EML6: variants seen among roughly 807,000 people sequenced by gnomAD.
The protein encoded by EML6 is echinoderm microtubule-associated protein-like 6.
In EML6, 154 loss-of-function variants were observed where a neutral mutation model predicts 240.1. That is an observed-to-expected ratio of 0.64 (90% CI 0.56 to 0.73). EML6 has a LOEUF of 0.73. EML6 is among the 30% of genes least tolerant of loss of function. The pLI is 0.00. For missense variants in EML6, 2,964 were observed against 2,474.6 expected, an observed-to-expected ratio of 1.20 and a Z score of -4.20; for synonymous variants, 1,148 against 899.0, an observed-to-expected ratio of 1.28 and a Z score of -4.95.
chr2:54,970,341 C>G lies in EML6; in HGVS notation c.*246C>G. Reference sequence around the variant, plus strand: ...AGACTGCTTGCCTCTGTTCCTGAGACTAAACAGTATACATACTAACTACAT... The same window carrying G: ...AGACTGCTTGCCTCTGTTCCTGAGAGTAAACAGTATACATACTAACTACAT... On this transcript the variant is annotated 3_prime_UTR_variant, in exon 42 of 42. Coordinates refer to ENST00000356458, the MANE Select transcript of EML6 (RefSeq NM_001039753.4). 1.8e-6 allele frequency: 1 copy of G among 568,320 alleles called. No homozygotes were observed. Among genetic ancestry groups the G allele is most frequent in the South Asian group, 2.1e-5 (1 of 48,392 alleles). 35.2% of individuals were successfully genotyped at this position (568,320 alleles called of 1,614,324 possible). A position where few individuals can be genotyped will look rare whatever the true frequency, so the allele number is the denominator to read the frequency against.
intron 28 of EML6, among the ~76,000 whole-genome samples, chr2:54,947,314 C>T (rs1675740352): frequency 6.6e-6 from 1 of 152,042 alleles, no homozygotes; most frequent in Non-Finnish European, 1.5e-5. Flanking sequence ...CCCCAGTCTC[C>T]CGATTTTGCT....
At chr2:54,936,778 T>C (rs954648406) in intron 28 of EML6, among the ~76,000 whole-genome samples, 4 of 152,216 alleles carry the variant, frequency 2.6e-5, no homozygotes, top group African/African-American at 4.8e-5. Flanking sequence ...ATTTTACTTA[T>C]AGCATTTTTC....
chr2:54,939,984 T>G (rs1675346242), intron 28 of EML6, among the ~76,000 whole-genome samples: 2 of 152,238 alleles, frequency 1.3e-5, no homozygotes, highest in South Asian at 4.1e-4. Flanking sequence ...TCTGTGAATA[T>G]TCTGCATTAA....
At chr2:54,837,710 C>T (rs2103623042) in intron 7 of EML6, among the ~76,000 whole-genome samples, 1 of 152,302 alleles carries the variant, frequency 6.6e-6, no homozygotes, top group Admixed American at 6.5e-5. Flanking sequence ...TGCAAGAACA[C>T]ACTAGGTGGA....
rs749843052 is a variant in EML6 at position 54,820,469 on chromosome 2, C to T, written c.525+7C>T. 3.9e-6 allele frequency: 6 copies of T among 1,528,136 alleles called. No individual in the cohort carries two copies. The South Asian group carries it at 6.1e-5, about 16-fold the overall frequency. The allele number at this position is 1,528,136 out of a possible 1,614,324, so 94.7% of individuals were successfully genotyped here. A position where few individuals can be genotyped will look rare whatever the true frequency, so the allele number is the denominator to read the frequency against. ...TGGAGTAAAACACATAAAGGTAAAG[C>T]TTTTTGTTTTTTAATTTTGGTACCT... On this transcript the variant is annotated splice_region_variant and intron_variant, in intron 5 of 41. Coordinates refer to ENST00000356458, the MANE Select transcript of EML6 (RefSeq NM_001039753.4).
intron 2 of EML6, among the ~76,000 whole-genome samples, chr2:54,775,813 C>T (rs933501436): frequency 6.6e-6 from 1 of 152,108 alleles, no homozygotes; most frequent in Admixed American, 6.5e-5. Context: ...ACAACTAAAA[C>T]CCATTCTAAC....
intron 5 of EML6, 81 bp from the exon 6 acceptor site, chr2:54,827,485 T>C: frequency 8.7e-7 from 1 of 1,154,784 alleles, no homozygotes; most frequent in Non-Finnish European, 1.2e-6. Context: ...TTATGTGAAA[T>C]GCACTGAAGT....
intron 17 of EML6, among the ~76,000 whole-genome samples, chr2:54,890,244 T>C (rs1343809957): frequency 6.6e-6 from 1 of 152,256 alleles, no homozygotes; most frequent in Non-Finnish European, 1.5e-5. Context: ...GTATTGTTTT[T>C]AATATGCTTT....
intron 2 of EML6, among the ~76,000 whole-genome samples, chr2:54,749,645 C>G (rs2103695608): frequency 6.6e-6 from 1 of 152,100 alleles, no homozygotes; most frequent in Non-Finnish European, 1.5e-5. Context: ...TTAATGCTCA[C>G]AAAAAATTTT....
intron 41 of EML6, 54 bp from the exon 42 acceptor site, chr2:54,970,017 G>C (rs1367123328): frequency 1.3e-6 from 2 of 1,546,246 alleles, no homozygotes; most frequent in Non-Finnish European, 1.8e-6. Context: ...TTTGCCACTT[G>C]ACACAAGTAT....
At chr2:54,910,279 C>G (rs898196900) in intron 24 of EML6, among the ~76,000 whole-genome samples, 4 of 152,162 alleles carry the variant, frequency 2.6e-5, no homozygotes, top group Non-Finnish European at 4.4e-5. Context: ...CATTTTAAGC[C>G]TTACAAGATT....
At chr2:54,935,168 G>A (rs1233077089) in intron 28 of EML6, among the ~76,000 whole-genome samples, 1 of 152,080 alleles carries the variant, frequency 6.6e-6, no homozygotes, top group Non-Finnish European at 1.5e-5. Flanking sequence ...CCTTTGGTTG[G>A]GTGTACGTGT....
chr2:54,903,530 G>A, intron 24 of EML6, 28 bp downstream of exon 24: 1 of 1,425,212 alleles, frequency 7.0e-7, no homozygotes, highest in Non-Finnish European at 9.3e-7. Flanking sequence ...TTTTAAAATA[G>A]AATTTCTGTG....
intron 2 of EML6, among the ~76,000 whole-genome samples, chr2:54,802,650 A>ACTACTACTACTACTACTG (rs1384746912): frequency 1.3e-5 from 2 of 149,018 alleles, no homozygotes; most frequent in Non-Finnish European, 3.0e-5. Context: ...TACTACTACT[A>ACTACTACTACTACTACTG]CTACTACTAC....
intron 5 of EML6, among the ~76,000 whole-genome samples, chr2:54,822,738 A>G (rs534612381): frequency 6.6e-6 from 1 of 152,338 alleles, no homozygotes; most frequent in Non-Finnish European, 1.5e-5. Flanking sequence ...TCCAAATGTT[A>G]AGCAGTTATC....
chr2:54,857,212 G>A (rs977179361), intron 11 of EML6, among the ~76,000 whole-genome samples: 1 of 152,200 alleles, frequency 6.6e-6, no homozygotes, highest in Non-Finnish European at 1.5e-5. Flanking sequence ...GGGTGGACGT[G>A]GCACAGAGCT....
chr2:54,783,431 A>G (rs1668940994), intron 2 of EML6, among the ~76,000 whole-genome samples: 1 of 152,220 alleles, frequency 6.6e-6, no homozygotes, highest in Non-Finnish European at 1.5e-5. Flanking sequence ...CTGTAATACC[A>G]TTAGGTCAGT....
At chr2:54,931,839 A>G (rs763808720) in intron 28 of EML6, among the ~76,000 whole-genome samples, 1 of 152,176 alleles carries the variant, frequency 6.6e-6, no homozygotes, top group Non-Finnish European at 1.5e-5. Flanking sequence ...ATCCCCTGTC[A>G]CCTAAAAGCA....
chr2:54,859,862 A>G lies in EML6; in HGVS notation c.1825+161A>G, dbSNP rs577353934. The stretch of plus-strand genomic sequence containing the variant: ...ATAAGAAGAAACTTTAAAGATTAAC[A>G]TGGGTCAGTTGGATAATTTTCTTCA... On this transcript the variant is annotated intron_variant, in intron 12 of 41. Coordinates refer to ENST00000356458, the MANE Select transcript of EML6 (RefSeq NM_001039753.4). Among the ~76,000 whole-genome samples, 6 of 152,356 alleles carry G rather than the reference A, an allele frequency of 3.9e-5. No homozygotes were observed. The South Asian group carries it at 1.2e-3, about 32-fold the overall frequency.
Sources: gnomAD v4.1 joint callset for allele counts (sites outside exome capture counted in the v4.1 genomes callset) on GRCh38, gnomAD v4.1.1 for gene constraint, MANE v1.5 for transcripts, NCBI Gene and HGNC (gene_info 2026-07-23, HGNC 2026-07-21) for gene names.